DCDC1: variants seen among roughly 807,000 people sequenced by gnomAD.
The protein encoded by DCDC1 is doublecortin domain-containing protein 1.
Under a neutral mutation model 178.3 loss-of-function variants are expected in DCDC1, and 200 were observed. The ratio of observed to expected loss-of-function variants is 1.12; its 90% CI spans 1.00 to 1.26. The LOEUF is 1.26. Among genes scored for constraint, DCDC1 ranks in the 50% most tolerant of loss-of-function variants. The pLI is 0.00. For synonymous variants in DCDC1, 690 were observed against 604.8 expected (o/e 1.14, Z -2.07); for missense variants, 1,983 against 1,749.2 (o/e 1.13, Z -2.38).
At position 31,036,324 on chromosome 11, in the gene DCDC1, G is replaced by T. The variant is rs537504221; in HGVS notation, c.2591+28145C>A. ...ATTCTGTGCATGTTCTTAAATTTATGTTCGCTGCTTAATCACTGCTCATTT... is the reference window on the plus strand; with the variant it reads ...ATTCTGTGCATGTTCTTAAATTTATTTTCGCTGCTTAATCACTGCTCATTT... On this transcript the variant is annotated intron_variant, in intron 20 of 38. Transcript: ENST00000684477. Among the ~76,000 whole-genome samples, 4 of 152,220 alleles carry T rather than the reference G, an allele frequency of 2.6e-5. No individual in the cohort carries two copies. In the South Asian group the frequency reaches 8.3e-4, roughly 32 times the overall value.
At chr11:30,888,674 G>A (rs565547148) in intron 36 of DCDC1, among the ~76,000 whole-genome samples, 4 of 152,302 alleles carry the variant, frequency 2.6e-5, no homozygotes, top group Non-Finnish European at 4.4e-5. Flanking sequence ...CTAAGATAGC[G>A]CCATTGCACT....
intron 38 of DCDC1, among the ~76,000 whole-genome samples, chr11:30,871,191 C>G (rs1394275108): frequency 6.6e-6 from 1 of 152,104 alleles, no homozygotes; most frequent in Non-Finnish European, 1.5e-5. Flanking sequence ...CGTTAAGCAA[C>G]AGAAGCCATG....
At chr11:30,871,025 C>T (rs1161799207) in intron 38 of DCDC1, among the ~76,000 whole-genome samples, 1 of 152,224 alleles carries the variant, frequency 6.6e-6, no homozygotes, top group Non-Finnish European at 1.5e-5. Context: ...CTGTGCTTTG[C>T]ATCATGTGTC....
chr11:31,014,106 T>C (rs1590760024), intron 20 of DCDC1, among the ~76,000 whole-genome samples: 1 of 152,274 alleles, frequency 6.6e-6, no homozygotes, highest in Non-Finnish European at 1.5e-5. Context: ...AGGAAGAAAT[T>C]AGGCTTAAAT....
At chr11:31,239,329 C>T (rs756837989) in intron 9 of DCDC1, among the ~76,000 whole-genome samples, 18 of 151,900 alleles carry the variant, frequency 1.2e-4, no homozygotes, top group Non-Finnish European at 2.4e-4. Context: ...GCTAGGAAAT[C>T]CCACTCACAA....
At chr11:31,210,689 C>T (rs955505736) in intron 9 of DCDC1, among the ~76,000 whole-genome samples, 4 of 137,500 alleles carry the variant, frequency 2.9e-5, no homozygotes, top group Non-Finnish European at 4.6e-5. Context: ...CCATCTTGGG[C>T]GACAGAGAGA....
At chr11:31,188,695 G>C (rs1461510553) in intron 9 of DCDC1, among the ~76,000 whole-genome samples, 2 of 152,286 alleles carry the variant, frequency 1.3e-5, no homozygotes, top group East Asian at 3.9e-4. Context: ...CTGCCTTAGA[G>C]CAGTGCTTCC....
intron 20 of DCDC1, among the ~76,000 whole-genome samples, chr11:30,998,796 C>A (rs1951412636): frequency 6.6e-6 from 1 of 152,098 alleles, no homozygotes; most frequent in African/African-American, 2.4e-5. Context: ...TAATTCCTCC[C>A]TCCCTGAGTG....
rs764916917 is a variant in DCDC1 at position 31,106,865 on chromosome 11, T to G, written c.1683A>C (p.Gln561His). The change falls in exon 13 of 39, where the codon CAA becomes CAC. Residue 561 changes from glutamine to histidine, a missense_variant. By Grantham distance (24) the Gln-to-His change is conservative (BLOSUM62 0). Transcript: ENST00000684477. ...TCAGCGAAAGTGGATTCTTAATTTCTTGGCCATTCTCATCAAAAAGCCGCA... is the reference window on the plus strand; with the variant it reads ...TCAGCGAAAGTGGATTCTTAATTTCGTGGCCATTCTCATCAAAAAGCCGCA... Reference protein sequence around the residue: ...SSMRLFDENGQEIKNPLSLKN... With the variant: ...SSMRLFDENGHEIKNPLSLKN... 3 of 766,086 alleles carry G rather than the reference T, an allele frequency of 3.9e-6. No individual in the cohort carries two copies. In the East Asian group the frequency reaches 7.3e-5, roughly 19 times the overall value. 47.5% of individuals were successfully genotyped at this position (766,086 alleles called of 1,614,324 possible). A position where few individuals can be genotyped will look rare whatever the true frequency, so the allele number is the denominator to read the frequency against.
In DCDC1 at chr11:31,166,294, A is replaced by G. The variant is rs368846537; in HGVS notation, c.1222-28510T>C. Among the ~76,000 whole-genome samples, 34 of 152,314 alleles carry G rather than the reference A, an allele frequency of 2.2e-4. No individual in the cohort carries two copies. The East Asian group carries it at 4.4e-3, about 20-fold the overall frequency. Reference sequence around the variant, plus strand: ...GTATCATGAAATTGTAAGGAAAGCTATTTAAAAACCATTACGATTTTTACT... The same window carrying G: ...GTATCATGAAATTGTAAGGAAAGCTGTTTAAAAACCATTACGATTTTTACT... On this transcript the variant is annotated intron_variant, in intron 9 of 38. Transcript: ENST00000684477.
intron 13 of DCDC1, among the ~76,000 whole-genome samples, chr11:31,104,185 G>A (rs2135750437): frequency 6.6e-6 from 1 of 152,120 alleles, no homozygotes; most frequent in East Asian, 1.9e-4. Flanking sequence ...CTCACTAAAT[G>A]CCATGCTGAT....
chr11:31,273,798 G>A (rs1171406106), intron 7 of DCDC1, among the ~76,000 whole-genome samples: 2 of 152,276 alleles, frequency 1.3e-5, no homozygotes, highest in South Asian at 2.1e-4. Context: ...AAAGAAAGAG[G>A]TTTAGTGGAC....
intron 11 of DCDC1, among the ~76,000 whole-genome samples, chr11:31,122,016 G>T (rs778876710): frequency 4.6e-5 from 7 of 152,112 alleles, no homozygotes; most frequent in Non-Finnish European, 8.8e-5. Context: ...GAAAAGATGT[G>T]GCCCTTGCCC....
intron 3 of DCDC1, among the ~76,000 whole-genome samples, chr11:31,312,515 T>A (rs991601816): frequency 6.6e-5 from 10 of 152,292 alleles, no homozygotes; most frequent in Non-Finnish European, 1.2e-4. Flanking sequence ...TTTGAACTGG[T>A]GGACCAAGTA....
intron 9 of DCDC1, among the ~76,000 whole-genome samples, chr11:31,225,925 G>C (rs1555132842): frequency 6.6e-6 from 1 of 151,914 alleles, no homozygotes; most frequent in Non-Finnish European, 1.5e-5. Flanking sequence ...ACAGAGCTAG[G>C]AAGGAGTATG....
At chr11:31,107,595 T>C (rs560323852) in intron 12 of DCDC1, among the ~76,000 whole-genome samples, 200 of 152,318 alleles carry the variant, frequency 1.3e-3, no homozygotes, top group African/African-American at 4.6e-3. Flanking sequence ...TTTAAGATAA[T>C]AGCATTATCA....
At chr11:31,173,694 C>T (rs1967557965) in intron 9 of DCDC1, among the ~76,000 whole-genome samples, 1 of 152,022 alleles carries the variant, frequency 6.6e-6, no homozygotes, top group Non-Finnish European at 1.5e-5. Flanking sequence ...GAAATTACTA[C>T]AATCAATTCT....
At chr11:31,174,592 G>A (rs1967742014) in intron 9 of DCDC1, among the ~76,000 whole-genome samples, 1 of 152,220 alleles carries the variant, frequency 6.6e-6, no homozygotes, top group Admixed American at 6.5e-5. Flanking sequence ...AAGCCTGGGG[G>A]CAAGGGTGCC....
intron 9 of DCDC1, among the ~76,000 whole-genome samples, chr11:31,146,025 C>T (rs920845410): frequency 2.0e-5 from 3 of 151,104 alleles, no homozygotes; most frequent in Non-Finnish European, 4.4e-5. Context: ...ATAATGGGGG[C>T]AAAATAACTG....
Sources: gnomAD v4.1 joint callset for allele counts (sites outside exome capture counted in the v4.1 genomes callset) on GRCh38, gnomAD v4.1.1 for gene constraint, MANE v1.5 for transcripts, NCBI Gene and HGNC (gene_info 2026-07-23, HGNC 2026-07-21) for gene names.